The following PCDHGA8 variants were observed in gnomAD, a reference collection of about 807,000 sequenced individuals.
PCDHGA8 encodes protocadherin gamma subfamily A, 8, also known as protocadherin gamma-A8.
Under a neutral mutation model 59.2 loss-of-function variants are expected in PCDHGA8, and 45 were observed. The observed-to-expected ratio is 0.76, with a 90% CI of 0.60 to 0.98. PCDHGA8 has a LOEUF of 0.98. Among genes scored for constraint, PCDHGA8 ranks in the 50% least tolerant of loss-of-function variants. PCDHGA8 has a pLI of 0.00. For synonymous variants in PCDHGA8, 531 were observed against 519.0 expected, an observed-to-expected ratio of 1.02 and a Z score of -0.32; for missense variants, 1,257 against 1,196.2, an observed-to-expected ratio of 1.05 and a Z score of -0.75.
intron 1 of PCDHGA8, chr5:141,478,229 T>C: frequency 6.2e-7 from 1 of 1,614,074 alleles, no homozygotes; most frequent in Non-Finnish European, 8.5e-7. Flanking sequence ...TTCTGTGGGG[T>C]TTGTGGTCAC....
In PCDHGA8 at chr5:141,393,609, G is replaced by A. The variant is rs1428368601; in HGVS notation, c.796G>A (p.Ala266Thr). 1.2e-6 allele frequency: 2 copies of A among 1,613,940 alleles called. No homozygotes were observed. The highest frequency in any genetic ancestry group is 2.2e-5 in the South Asian group (2 of 91,088). ...PPGTRLLTVTASDPDEGINGK... is the reference protein window; with the variant it reads ...PPGTRLLTVTTSDPDEGINGK... ...AGGCACGCGGCTGCTTACTGTAACAGCCAGCGACCCGGATGAGGGAATCAA... is the reference window on the plus strand; with the variant it reads ...AGGCACGCGGCTGCTTACTGTAACAACCAGCGACCCGGATGAGGGAATCAA... The change falls in exon 1 of 4, where the codon GCC becomes ACC. Residue 266 changes from alanine (A) to threonine (T), a missense_variant. By Grantham distance (58) the Ala-to-Thr change is moderately conservative. Transcript: ENST00000398604.
At position 141,438,591 on chromosome 5, in the gene PCDHGA8, CATATATATATATAT is replaced by C. The variant is rs946798767; in HGVS notation, c.2424+43386_2424+43399del. Among the ~76,000 whole-genome samples the C allele has an allele frequency of 7.9e-5, 6 of 75,562 alleles. No individual in the cohort carries two copies. The East Asian group carries it at 1.7e-3, about 22-fold the overall frequency. 49.6% of individuals were successfully genotyped at this position (75,562 alleles called of 152,430 possible). On this transcript the variant is annotated intron_variant, in intron 1 of 3. Transcript: ENST00000398604. ...TCTGATATACATACATACATACATA[CATATATATATATAT>C]ATATATATATATATATATATATATA...
chr5:141,495,005 C>CG (rs2099758180), intron 2 of PCDHGA8, 140 bp downstream of exon 2: 6 of 1,522,802 alleles, frequency 3.9e-6, no homozygotes, highest in Admixed American at 2.0e-5. Context: ...TCTTGGTGTG[C>CG]GGGGGGCTGG....
At chr5:141,438,396 ACT>A (rs2097958956) in intron 1 of PCDHGA8, among the ~76,000 whole-genome samples, 2 of 150,930 alleles carry the variant, frequency 1.3e-5, no homozygotes, top group African/African-American at 4.9e-5. Context: ...TTCATCATTA[ACT>A]CTCTGAAGTA....
rs2099687715 is a variant in PCDHGA8, at chr5:141,489,479, T to G, written c.2425-5328T>G. 1.2e-6 allele frequency: 2 copies of G among 1,614,090 alleles called. No individual in the cohort carries two copies. The highest frequency in any genetic ancestry group is 1.7e-6 in the Non-Finnish European group (2 of 1,180,010). ...GGGCGCTATTTTTCCCTGAGCTTGATGAGTGGTGCCCTGGCAGTGAATCAA... is the reference window on the plus strand; with the variant it reads ...GGGCGCTATTTTTCCCTGAGCTTGAGGAGTGGTGCCCTGGCAGTGAATCAA... On this transcript the variant is annotated intron_variant, in intron 1 of 3. Transcript: ENST00000398604. This position sits in a 1 kb window ranked among gnomAD's most constrained non-coding sequence, Gnocchi z 4.5.
chr5:141,509,638 A>G (rs1204228233), intron 3 of PCDHGA8, among the ~76,000 whole-genome samples: 1 of 152,174 alleles, frequency 6.6e-6, no homozygotes, highest in Admixed American at 6.5e-5. Flanking sequence ...ATGCTGAGCC[A>G]GGGCCAGAGT....
chr5:141,422,499 A>G lies in PCDHGA8; in HGVS notation c.2424+27262A>G. 3 of 1,614,036 alleles carry G rather than the reference A, an allele frequency of 1.9e-6. No homozygotes were observed. The South Asian group carries it at 3.3e-5, about 18-fold the overall frequency. On this transcript the variant is annotated intron_variant, in intron 1 of 3. Coordinates refer to ENST00000398604, the MANE Select transcript of PCDHGA8 (RefSeq NM_032088.2). ...TCCAGAGCTACAATATAACGTTGAC[A>G]GCCACAGACCAGGGAAGCCCGCCTT...
intron 1 of PCDHGA8, chr5:141,416,482 A>G (rs1009921478): frequency 6.6e-6 from 1 of 152,210 alleles, no homozygotes; most frequent in East Asian, 1.9e-4. Context: ...TGTTCCCGAG[A>G]ACAGGAGCAA....
At chr5:141,409,960 C>T (rs1182396334) in intron 1 of PCDHGA8, 1 of 1,613,416 alleles carries the variant, frequency 6.2e-7, no homozygotes. Context: ...AGCCCGGCTA[C>T]CTAGTGACTA....
rs1402834373 is a variant in PCDHGA8 at position 141,394,613 on chromosome 5, G to A, written c.1800G>A (p.Gln600=). The A allele has an allele frequency of 6.2e-7, 1 of 1,613,570 alleles. No individual in the cohort carries two copies. Among genetic ancestry groups the A allele is most frequent in the Admixed American group, 1.7e-5 (1 of 60,020 alleles). Residue 600 remains glutamine, a synonymous_variant, in exon 1 of 4, where the codon CAG becomes CAA. Transcript: ENST00000398604. ...KVVAVDRDSG[Q]NAWLSYRLLK... Reference sequence around the variant, plus strand: ...TGGCGGTGGACAGAGACTCGGGCCAGAACGCCTGGCTGTCCTACCGCCTGC... The same window carrying A: ...TGGCGGTGGACAGAGACTCGGGCCAAAACGCCTGGCTGTCCTACCGCCTGC...
At chr5:141,433,646 A>G (rs2097639113) in intron 1 of PCDHGA8, among the ~76,000 whole-genome samples, 1 of 152,012 alleles carries the variant, frequency 6.6e-6, no homozygotes, top group Non-Finnish European at 1.5e-5. Flanking sequence ...GACCAGCCTG[A>G]CCAACATGGA....
intron 3 of PCDHGA8, among the ~76,000 whole-genome samples, chr5:141,508,943 CAG>C (rs1562237475): frequency 1.3e-5 from 2 of 151,982 alleles, no homozygotes; most frequent in Admixed American, 6.6e-5. Context: ...TTAGGGAAAA[CAG>C]AGAAATGTCA....
chr5:141,422,928 C>T lies in PCDHGA8; in HGVS notation c.2424+27691C>T, dbSNP rs781145334. 4 of 1,614,128 alleles carry T rather than the reference C, an allele frequency of 2.5e-6. No individual in the cohort carries two copies. In the African/African-American group the frequency reaches 4.0e-5, roughly 16 times the overall value. On this transcript the variant is annotated intron_variant, in intron 1 of 3. Transcript: ENST00000398604. ...ATGCGCCCGAGATCCTGTACCCTGC[C>T]CTCCCCACAGACGGCTCCACTGGCG...
At chr5:141,405,353 AT>A in intron 1 of PCDHGA8, 3 of 1,614,026 alleles carry the variant, frequency 1.9e-6, no homozygotes, top group Non-Finnish European at 2.5e-6. Context: ...CAAGTTTCCT[AT>A]AGAAGACACC....
chr5:141,510,709 CAGTGAGTAAGGAA>C (rs1452833908), intron 3 of PCDHGA8, among the ~76,000 whole-genome samples: 7 of 152,168 alleles, frequency 4.6e-5, no homozygotes, highest in Admixed American at 4.6e-4. Flanking sequence ...CCCAGGATCA[CAGTGAGTAAGGAA>C]AGGAGCTAGG....
Position 141,490,019 on chromosome 5 carries a change from T to C in PCDHGA8, c.2425-4788T>C. 2 of 1,614,272 alleles carry C rather than the reference T, an allele frequency of 1.2e-6. No homozygotes were observed. Among genetic ancestry groups the C allele is most frequent in the East Asian group, 2.2e-5 (1 of 44,886 alleles). ...CCAGAGAATGCACCCATTGGTACTCTGCTGCTCCGCCTCAATGCCACTGAT... is the reference window on the plus strand; with the variant it reads ...CCAGAGAATGCACCCATTGGTACTCCGCTGCTCCGCCTCAATGCCACTGAT... On this transcript the variant is annotated intron_variant, in intron 1 of 3. Coordinates refer to ENST00000398604, the MANE Select transcript of PCDHGA8 (RefSeq NM_032088.2). This position sits in a 1 kb window ranked among gnomAD's most constrained non-coding sequence, Gnocchi z 5.4.
chr5:141,414,752 A>G (rs1339630983), intron 1 of PCDHGA8: 9 of 1,614,110 alleles, frequency 5.6e-6, no homozygotes, highest in Non-Finnish European at 7.6e-6. Flanking sequence ...TCCTTCGACT[A>G]TGAGCAGTTT....
rs752392369 is a variant in PCDHGA8 at position 141,422,109 on chromosome 5, A to G, written c.2424+26872A>G. ...AAAGCAAGGCTTCTGAAATATTCCA[A>G]TTGGATTCACAAACTGGAGAAGTTC... On this transcript the variant is annotated intron_variant, in intron 1 of 3. Coordinates refer to ENST00000398604, the MANE Select transcript of PCDHGA8 (RefSeq NM_032088.2). 6 of 1,606,850 alleles carry G rather than the reference A, an allele frequency of 3.7e-6. No homozygotes were observed. The African/African-American group carries it at 4.0e-5, about 11-fold the overall frequency.
chr5:141,403,775 G>A (rs760589412), intron 1 of PCDHGA8: 2 of 1,613,866 alleles, frequency 1.2e-6, no homozygotes, highest in Admixed American at 1.7e-5. Context: ...GGGAATCAAC[G>A]GAAAAGTGGC....
Sources: gnomAD v4.1 joint callset for allele counts (sites outside exome capture counted in the v4.1 genomes callset) on GRCh38, gnomAD v4.1.1 for gene constraint, Gnocchi (gnomAD v3.1) non-coding constraint, MANE v1.5 for transcripts, NCBI Gene and HGNC (gene_info 2026-07-23, HGNC 2026-07-21) for gene names.